Variants in USH2A observed in about 807,000 individuals in gnomAD.
USH2A encodes the protein Usher syndrome 2A (autosomal recessive, mild).
A neutral mutation model predicts 538.9 loss-of-function variants in USH2A; 443 were observed. That is an observed-to-expected ratio of 0.82 (90% CI 0.76 to 0.89). USH2A has a LOEUF of 0.89. Among genes scored for constraint, USH2A ranks in the 40% least tolerant of loss-of-function variants. The pLI is 0.00. For missense variants in USH2A, 6,633 were observed against 6,324.8 expected (o/e 1.05, Z -1.65); for synonymous variants, 2,413 against 2,273.5 (o/e 1.06, Z -1.75).
chr1:216,253,151 CTTTT>C (rs55786784), intron 11 of USH2A, among the ~76,000 whole-genome samples: 1 of 138,932 alleles, frequency 7.2e-6, no homozygotes. Flanking sequence ...GTTATTTTTT[CTTTT>C]TTTTTTTTTT....
At chr1:216,090,366 T>C (rs775411031) in intron 22 of USH2A, among the ~76,000 whole-genome samples, 64 of 151,810 alleles carry the variant, frequency 4.2e-4, no homozygotes, top group Non-Finnish European at 9.0e-4. Context: ...ATTTAATTGG[T>C]TCCTGTCGGG....
Position 215,977,196 on chromosome 1 carries a change from C to T in USH2A, c.6806-6420G>A, listed in dbSNP as rs573970493. On this transcript the variant is annotated intron_variant, in intron 35 of 71. Transcript: ENST00000307340. Reference sequence around the variant, plus strand: ...ACCCTTAACAGACCAATGTCAAGTTCGAAAATTGAATCAGTAATAAAAAAA... The same window carrying T: ...ACCCTTAACAGACCAATGTCAAGTTTGAAAATTGAATCAGTAATAAAAAAA... Among the ~76,000 whole-genome samples, 8 of 151,898 alleles carry T rather than the reference C, an allele frequency of 5.3e-5. No individual in the cohort carries two copies. The East Asian group carries it at 7.7e-4, about 15-fold the overall frequency.
intron 69 of USH2A, among the ~76,000 whole-genome samples, chr1:215,637,851 C>T (rs1426596489): frequency 2.0e-5 from 3 of 151,718 alleles, no homozygotes; most frequent in African/African-American, 7.3e-5. Flanking sequence ...TCTATACATG[C>T]AAATTTGATA....
In USH2A at chr1:215,888,412, A is replaced by T. The variant is rs769382590; in HGVS notation, c.8223+14T>A. The T allele has an allele frequency of 1.5e-5, 24 of 1,612,206 alleles. No individual in the cohort carries two copies. Among genetic ancestry groups the T allele is most frequent in the Non-Finnish European group, 1.8e-5 (21 of 1,180,006 alleles). On this transcript the variant is annotated intron_variant, in intron 41 of 71. Coordinates refer to ENST00000307340, the MANE Select transcript of USH2A (RefSeq NM_206933.4). ...CCTAAGTCTGCAAAGGAGAGAGAAT[A>T]GTCAGTATCTTACCTGGACTGCATC...
intron 13 of USH2A, among the ~76,000 whole-genome samples, 186 bp from the exon 14 acceptor site, chr1:216,232,322 A>G (rs547135775): frequency 2.8e-4 from 42 of 152,282 alleles, no homozygotes; most frequent in African/African-American, 8.7e-4. Context: ...AATTATCTAC[A>G]TTGGACTTGG....
chr1:216,247,353 C>T (rs2036072884), intron 12 of USH2A, 127 bp from the exon 13 acceptor site: 14 of 1,091,282 alleles, frequency 1.3e-5, no homozygotes, highest in South Asian at 5.6e-5. Context: ...ACAAGCAATG[C>T]CATAGGGGGC....
At chr1:215,659,757 C>T (rs915010874) in intron 64 of USH2A, among the ~76,000 whole-genome samples, 22 of 152,134 alleles carry the variant, frequency 1.4e-4, no homozygotes, top group Admixed American at 1.1e-3. Context: ...TAGACTGCAA[C>T]CCTAATCGGT....
chr1:216,048,434 T>C, intron 31 of USH2A, 100 bp downstream of exon 31: 3 of 1,203,040 alleles, frequency 2.5e-6, no homozygotes, highest in Non-Finnish European at 3.7e-6. Flanking sequence ...TCAAATTAGG[T>C]TGGGGTTTGC....
At position 215,680,233 on chromosome 1, in the gene USH2A, T is replaced by C. The variant is rs1658181110; in HGVS notation, c.12210A>G (p.Arg4070=). The C allele has an allele frequency of 6.2e-7, 1 of 1,614,180 alleles. No individual in the cohort carries two copies. Among genetic ancestry groups the C allele is most frequent in the Non-Finnish European group, 8.5e-7 (1 of 1,180,018 alleles). The change falls in exon 62 of 72, where the codon AGA becomes AGG. Residue 4070 remains arginine (R), a synonymous_variant. Coordinates refer to ENST00000307340, the MANE Select transcript of USH2A (RefSeq NM_206933.4). ...QTLESSPSGL[R]NFIVEQKENG... ...TCTCTTTCTGTTCTACTATAAAGTT[T>C]CTCAGTCCACTTGGGGAAGATTCTA...
chr1:216,053,502 A>G lies in USH2A; in HGVS notation c.6050-4855T>C, dbSNP rs111344352. On this transcript the variant is annotated intron_variant, in intron 30 of 71. Transcript: ENST00000307340. ...GAGTGTCCCTATTACAAGGCAGGCC[A>G]GATGACCTCGCAAACTGCCTTTCAG... Among the ~76,000 whole-genome samples the G allele has an allele frequency of 1.8e-3, 265 of 144,342 alleles. 1 individual carries two copies. The highest frequency in any genetic ancestry group is 6.6e-3 in the African/African-American group (255 of 38,710). 94.7% of individuals were successfully genotyped at this position (144,342 alleles called of 152,430 possible).
chr1:215,877,257 A>ACTGAATGTCTTTACTGAAT (rs1664795519), intron 43 of USH2A, among the ~76,000 whole-genome samples: 1 of 152,184 alleles, frequency 6.6e-6, no homozygotes, highest in Non-Finnish European at 1.5e-5. Context: ...GTCACCTATT[A>ACTGAATGTCTTTACTGAAT]GCCTTTACTG....
chr1:215,751,974 T>C (rs986530818), intron 58 of USH2A, among the ~76,000 whole-genome samples: 1 of 152,134 alleles, frequency 6.6e-6, no homozygotes, highest in African/African-American at 2.4e-5. Context: ...AATACCACCT[T>C]TTCTGAAAGG....
intron 32 of USH2A, among the ~76,000 whole-genome samples, chr1:216,011,658 C>T (rs1000384371): frequency 2.6e-5 from 4 of 152,066 alleles, no homozygotes; most frequent in African/African-American, 7.3e-5. Context: ...GCTGCTGCAG[C>T]CCTAATACTT....
At chr1:216,230,526 G>T (rs1161932782) in intron 14 of USH2A, among the ~76,000 whole-genome samples, 1 of 152,016 alleles carries the variant, frequency 6.6e-6, no homozygotes, top group South Asian at 2.1e-4. Context: ...AATGATTTTT[G>T]TAGTTTTTAA....
At chr1:216,152,133 A>AC (rs2033849784) in intron 21 of USH2A, among the ~76,000 whole-genome samples, 2 of 148,876 alleles carry the variant, frequency 1.3e-5, no homozygotes, top group East Asian at 2.0e-4. Context: ...TCTCCATACC[A>AC]CCCCCCAAAA....
intron 14 of USH2A, 148 bp downstream of exon 14, chr1:216,231,805 G>A: frequency 1.1e-6 from 1 of 883,342 alleles, no homozygotes. Flanking sequence ...CGCCTGCCTT[G>A]GTCTCTCAAA....
chr1:215,789,954 G>T (rs1661933238), intron 51 of USH2A, 105 bp downstream of exon 51: 6 of 1,041,016 alleles, frequency 5.8e-6, no homozygotes, highest in South Asian at 1.4e-5. Context: ...AATGAATAAT[G>T]CACACAGGAG....
intron 47 of USH2A, 75 bp from the exon 48 acceptor site, chr1:215,817,270 G>T: frequency 7.6e-7 from 1 of 1,320,508 alleles, no homozygotes; most frequent in Non-Finnish European, 1.1e-6. Context: ...TAAGTAAAAA[G>T]TGGCAGCAAT....
chr1:216,274,501 T>G (rs1404235947), intron 11 of USH2A, among the ~76,000 whole-genome samples: 3 of 152,070 alleles, frequency 2.0e-5, no homozygotes, highest in Non-Finnish European at 4.4e-5. Context: ...ATACAATAAC[T>G]TTTTTCCTTA....
Sources: allele counts gnomAD v4.1 joint callset (sites outside exome capture counted in the v4.1 genomes callset), GRCh38; gene constraint gnomAD v4.1.1; transcripts MANE v1.5; gene names NCBI Gene and HGNC (gene_info 2026-07-23, HGNC 2026-07-21).